MYCBP2: variants seen among roughly 807,000 people sequenced by gnomAD.
MYCBP2 encodes MYC binding protein 2, also known as E3 ubiquitin-protein ligase MYCBP2.
MYCBP2 carries 120 observed loss-of-function variants against 525.3 expected under a neutral mutation model. That is an observed-to-expected ratio of 0.23 (90% confidence interval 0.20 to 0.27). The LOEUF is 0.27. Ranked by LOEUF, MYCBP2 falls within the 10% of genes least tolerant of loss-of-function variation. The pLI is 1.00. For synonymous variants in MYCBP2, 1,894 were observed against 1,955.8 expected (o/e 0.97, Z 0.83); for missense variants, 4,149 against 5,657.1 (o/e 0.73, Z 8.55).
intron 60 of MYCBP2, 59 bp downstream of exon 60, chr13:77,090,047 C>T (rs993151949): frequency 2.2e-6 from 3 of 1,386,122 alleles, no homozygotes; most frequent in African/African-American, 2.9e-5. Context: ...GCAAATAAAA[C>T]AATTTTTTTA....
At chr13:77,068,889 C>A (rs2040632192) in intron 69 of MYCBP2, 58 bp from the exon 70 acceptor site, 1 of 1,510,308 alleles carries the variant, frequency 6.6e-7, no homozygotes, top group African/African-American at 1.4e-5. Context: ...TTTACTACTC[C>A]TAGCAAAACA....
Position 77,077,400 on chromosome 13 carries a change from A to G in MYCBP2, c.11485-13T>C, listed in dbSNP as rs766241684. On this transcript the variant is annotated splice_polypyrimidine_tract_variant and intron_variant, in intron 66 of 82. Transcript: ENST00000544440. ...AATCCAGATCAACCTGGTTGAGTAGAAAAGAGGCAGGAACCTGATTCAGCT... is the reference window on the plus strand; with the variant it reads ...AATCCAGATCAACCTGGTTGAGTAGGAAAGAGGCAGGAACCTGATTCAGCT... 4.3e-6 allele frequency: 7 copies of G among 1,613,378 alleles called. No homozygotes were observed. The highest frequency in any genetic ancestry group is 5.9e-6 in the Non-Finnish European group (7 of 1,179,512).
At chr13:77,064,513 A>C in intron 73 of MYCBP2, 102 bp downstream of exon 73, 4 of 1,273,588 alleles carry the variant, frequency 3.1e-6, no homozygotes, top group Non-Finnish European at 4.2e-6. Flanking sequence ...AAAAATAATT[A>C]TGTTGACTTA....
chr13:77,310,308 T>A lies in MYCBP2; in HGVS notation c.303-13634A>T, dbSNP rs142671800. ...CCAACATTTCTGTTTTGCACTTCTT[T>A]GATTCCCTGAATTCACAATGTAGCT... On this transcript the variant is annotated intron_variant, in intron 1 of 82. Transcript: ENST00000544440. Among the ~76,000 whole-genome samples the A allele has an allele frequency of 1.0e-3, 156 of 152,322 alleles. 1 individual carries two copies. The highest frequency in any genetic ancestry group is 3.4e-3 in the Middle Eastern group (1 of 294).
At chr13:77,257,075 T>C (rs1460529824) in intron 14 of MYCBP2, among the ~76,000 whole-genome samples, 1 of 152,094 alleles carries the variant, frequency 6.6e-6, no homozygotes, top group Admixed American at 6.6e-5. Flanking sequence ...GATCCTATCA[T>C]TTGCAACAAC....
At chr13:77,153,498 T>C (rs1405708374) in intron 46 of MYCBP2, among the ~76,000 whole-genome samples, 1 of 152,242 alleles carries the variant, frequency 6.6e-6, no homozygotes. Context: ...TTATACATAC[T>C]ATTTCAATTT....
At chr13:77,066,568 CT>C (rs2040237021) in intron 71 of MYCBP2, among the ~76,000 whole-genome samples, 1 of 152,206 alleles carries the variant, frequency 6.6e-6, no homozygotes, top group African/African-American at 2.4e-5. Context: ...TAATTCTCTA[CT>C]GTTACACACA....
Position 77,121,378 on chromosome 13 carries a change from C to A in MYCBP2, c.8135G>T (p.Ser2712Ile). ...AQGFDYGLGN[S>I]KGDRGNISTS... ...ACTTACTTTTAAATACCTACCTTTGCTATTTCCGAGTCCATAATCAAATCC... is the reference window on the plus strand; with the variant it reads ...ACTTACTTTTAAATACCTACCTTTGATATTTCCGAGTCCATAATCAAATCC... Residue 2712 changes from serine to isoleucine, a missense_variant, in exon 55 of 83, where the codon AGC becomes ATC. Physicochemically the swap from Ser to Ile is moderately radical, Grantham distance 142 (BLOSUM62 -2). Around this residue, in one of 21 missense-constraint regions of MYCBP2, gnomAD observed 653 missense variants for 744.7 expected, o/e 0.88. Transcript: ENST00000544440. 1 of 1,546,540 alleles carries A rather than the reference C, an allele frequency of 6.5e-7. No individual in the cohort carries two copies. The highest frequency in any genetic ancestry group is 8.8e-7 in the Non-Finnish European group (1 of 1,139,068).
At chr13:77,276,802 C>G (rs1266804867) in intron 4 of MYCBP2, among the ~76,000 whole-genome samples, 1 of 140,596 alleles carries the variant, frequency 7.1e-6, no homozygotes, top group African/African-American at 2.6e-5. Context: ...GAGTAGCACT[C>G]ATTTCCATGC....
intron 14 of MYCBP2, among the ~76,000 whole-genome samples, chr13:77,256,851 C>T (rs1302084548): frequency 6.6e-6 from 1 of 152,042 alleles, no homozygotes; most frequent in Non-Finnish European, 1.5e-5. Flanking sequence ...GAAACTAGAA[C>T]TCAATATGAT....
rs1252639982 is a variant in MYCBP2 at position 77,121,423 on chromosome 13, C to A, written c.8090G>T (p.Gly2697Val). The stretch of plus-strand genomic sequence containing the variant: ...AAATCCTTGGGCACTGCAACTTGCC[C>A]CTTTATTAAAAGCTTGCACTGAGAA... The part of the protein sequence containing the change: ...SPFSVQAFNK[G>V]ASCSAQGFDY... The change falls in exon 55 of 83, where the codon GGG becomes GTG. Residue 2697 changes from glycine to valine, a missense_variant. Transcript: ENST00000544440. 1 of 1,597,360 alleles carries A rather than the reference C, an allele frequency of 6.3e-7. No homozygotes were observed. Among genetic ancestry groups the A allele is most frequent in the Non-Finnish European group, 8.6e-7 (1 of 1,168,654 alleles).
intron 47 of MYCBP2, among the ~76,000 whole-genome samples, chr13:77,149,100 C>T (rs1391945914): frequency 6.6e-6 from 1 of 152,108 alleles, no homozygotes; most frequent in East Asian, 1.9e-4. Flanking sequence ...TACTCCAAAG[C>T]CTTCACTCAA....
At chr13:77,178,301 A>T (rs949005694) in intron 34 of MYCBP2, among the ~76,000 whole-genome samples, 1 of 152,224 alleles carries the variant, frequency 6.6e-6, no homozygotes, top group Non-Finnish European at 1.5e-5. Flanking sequence ...AATTCTATAG[A>T]TCAACAGTTT....
chr13:77,227,212 A>G (rs990353590), intron 18 of MYCBP2, among the ~76,000 whole-genome samples: 5 of 152,090 alleles, frequency 3.3e-5, no homozygotes, highest in Admixed American at 2.6e-4. Flanking sequence ...AAAGATCACA[A>G]ATACTGCATC....
chr13:77,055,509 A>G (rs2037777341), intron 80 of MYCBP2, 49 bp downstream of exon 80: 1 of 1,459,474 alleles, frequency 6.9e-7, no homozygotes, highest in Non-Finnish European at 9.5e-7. Flanking sequence ...TCTTAATCAT[A>G]TAGGTAAGCT....
At chr13:77,139,122 G>A (rs1014636986) in intron 52 of MYCBP2, 74 bp downstream of exon 52, 1 of 1,489,798 alleles carries the variant, frequency 6.7e-7, no homozygotes, top group Admixed American at 2.0e-5. Context: ...GAACTGAAAA[G>A]CCTTAATTAA....
intron 38 of MYCBP2, among the ~76,000 whole-genome samples, chr13:77,171,049 A>C (rs943110904): frequency 6.6e-5 from 10 of 152,338 alleles, no homozygotes; most frequent in African/African-American, 2.4e-4. Flanking sequence ...GAAGTGAAAG[A>C]GAGGAGAATA....
At position 77,063,473 on chromosome 13, in the gene MYCBP2, C is replaced by T. The variant is rs866451; in HGVS notation, c.12673-776G>A. Among the ~76,000 whole-genome samples the T allele has an allele frequency of 4.5e-3, 665 of 147,450 alleles. 5 individuals are homozygous for T. Among genetic ancestry groups the T allele is most frequent in the African/African-American group, 0.015 (612 of 40,054 alleles). ...ACTTGGGAGGCTGAGACAGGAGAAT[C>T]GCTTGTACCTGCAGGCGGAGGCTGC... On this transcript the variant is annotated intron_variant, in intron 73 of 82. Transcript: ENST00000544440.
intron 18 of MYCBP2, among the ~76,000 whole-genome samples, chr13:77,230,691 A>T (rs1389193797): frequency 6.6e-6 from 1 of 152,240 alleles, no homozygotes; most frequent in Non-Finnish European, 1.5e-5. Context: ...AAGCAAAGGT[A>T]CCTCAGCCAC....
Sources: gnomAD v4.1 joint callset for allele counts (sites outside exome capture counted in the v4.1 genomes callset) on GRCh38, gnomAD v4.1.1 for gene constraint, gnomAD v4.1.1 regional missense constraint, MANE v1.5 for transcripts, NCBI Gene and HGNC (gene_info 2026-07-23, HGNC 2026-07-21) for gene names.